LIN7A: variants seen among roughly 807,000 people sequenced by gnomAD.
LIN7A encodes the protein protein lin-7 homolog A.
In LIN7A, 25 loss-of-function variants were observed where a neutral mutation model predicts 29.8. That is an observed-to-expected ratio of 0.84 (90% CI 0.61 to 1.17). The LOEUF (loss-of-function observed/expected upper bound fraction) is 1.17, where lower values mean the gene tolerates loss of function less well. Ranked by LOEUF, LIN7A falls within the 50% of genes most tolerant of loss-of-function variation. The pLI, the probability that LIN7A is intolerant of heterozygous loss-of-function variation, is 0.00. For missense variants in LIN7A, 239 were observed against 287.0 expected (o/e 0.83, Z 1.21); for synonymous variants, 118 against 107.5 (o/e 1.10, Z -0.60).
intron 1 of LIN7A, among the ~76,000 whole-genome samples, chr12:80,912,814 G>A (rs562759692): frequency 2.0e-5 from 3 of 151,800 alleles, no homozygotes; most frequent in Non-Finnish European, 2.9e-5. Flanking sequence ...GGTTACCCAC[G>A]CCAGTCTCCA....
Position 80,865,105 on chromosome 12 carries a change from C to T in LIN7A, c.202-16783G>A, listed in dbSNP as rs532367707. Among the ~76,000 whole-genome samples, 6 of 152,278 alleles carry T rather than the reference C, an allele frequency of 3.9e-5. No individual in the cohort carries two copies. The South Asian group carries it at 1.2e-3, about 32-fold the overall frequency. ...CTCAGCATTAAAGAAAAACAACCTT[C>T]TGATTCCATGCCTGTTTCAAAGTTT... is the stretch of plus-strand genomic sequence containing the variant. On this transcript the variant is annotated intron_variant, in intron 2 of 5. Coordinates refer to ENST00000552864, the MANE Select transcript of LIN7A (RefSeq NM_004664.4).
intron 4 of LIN7A, among the ~76,000 whole-genome samples, chr12:80,815,184 C>T (rs1170059061): frequency 6.6e-6 from 1 of 152,028 alleles, no homozygotes; most frequent in Non-Finnish European, 1.5e-5. Context: ...TGCTTGTCTC[C>T]TTAACCTATT....
At chr12:80,810,393 C>CTGTGTGTG (rs71094992) in intron 5 of LIN7A, among the ~76,000 whole-genome samples, 34 of 146,914 alleles carry the variant, frequency 2.3e-4, no homozygotes, top group African/African-American at 5.0e-4. Context: ...TGGTATACAT[C>CTGTGTGTG]TGTGTGTGTG....
chr12:80,921,369 C>CCATA (rs1877291464), intron 1 of LIN7A, among the ~76,000 whole-genome samples: 1 of 150,974 alleles, frequency 6.6e-6, no homozygotes, highest in South Asian at 2.1e-4. Context: ...TAACAAAATG[C>CCATA]CATACACTGA....
chr12:80,801,073 T>C (rs578181254), intron 5 of LIN7A, among the ~76,000 whole-genome samples: 1 of 151,896 alleles, frequency 6.6e-6, no homozygotes, highest in African/African-American at 2.4e-5. Context: ...CATATATATA[T>C]ATATATAAAC....
At chr12:80,821,334 T>A (rs991505650) in intron 4 of LIN7A, among the ~76,000 whole-genome samples, 1 of 152,084 alleles carries the variant, frequency 6.6e-6, no homozygotes, top group Non-Finnish European at 1.5e-5. Context: ...AGATAATAAG[T>A]CACCCAAGAC....
At chr12:80,871,134 C>T (rs1221944221) in intron 2 of LIN7A, among the ~76,000 whole-genome samples, 2 of 152,046 alleles carry the variant, frequency 1.3e-5, no homozygotes, top group Non-Finnish European at 2.9e-5. Context: ...GAAATATACC[C>T]ATCAAATTCA....
intron 5 of LIN7A, among the ~76,000 whole-genome samples, chr12:80,807,405 A>G (rs1300418395): frequency 1.3e-5 from 2 of 152,120 alleles, no homozygotes; most frequent in African/African-American, 4.8e-5. Context: ...GATGGAACTG[A>G]GAAATGGAAT....
intron 4 of LIN7A, among the ~76,000 whole-genome samples, chr12:80,822,819 G>A (rs1387110179): frequency 6.6e-6 from 1 of 152,088 alleles, no homozygotes; most frequent in Non-Finnish European, 1.5e-5. Flanking sequence ...ATGGTGGCAG[G>A]AGGCAGGCAG....
intron 4 of LIN7A, among the ~76,000 whole-genome samples, chr12:80,829,246 G>A (rs1378650745): frequency 6.6e-6 from 1 of 152,150 alleles, no homozygotes; most frequent in Non-Finnish European, 1.5e-5. Context: ...AGGGATTTTA[G>A]CAAAGTTACC....
intron 1 of LIN7A, among the ~76,000 whole-genome samples, chr12:80,917,026 C>A (rs1877062120): frequency 6.6e-6 from 1 of 152,030 alleles, no homozygotes; most frequent in Non-Finnish European, 1.5e-5. Context: ...ACAAATTAAG[C>A]TGGGATACAG....
chr12:80,911,087 G>A lies in LIN7A; in HGVS notation c.83-21718C>T, dbSNP rs959894003. On this transcript the variant is annotated intron_variant, in intron 1 of 5. Coordinates refer to ENST00000552864, the MANE Select transcript of LIN7A (RefSeq NM_004664.4). ...CAGATTATATTTATTCCTTTGTTGA[G>A]TTAAAACACCTGTCCAGAAGATGGA... Among the ~76,000 whole-genome samples the A allele has an allele frequency of 1.1e-4, 17 of 152,142 alleles. No homozygotes were observed. In the East Asian group the frequency reaches 3.3e-3, roughly 29 times the overall value.
At chr12:80,850,748 G>A (rs769693233) in intron 2 of LIN7A, among the ~76,000 whole-genome samples, 3 of 152,260 alleles carry the variant, frequency 2.0e-5, no homozygotes, top group East Asian at 1.9e-4. Flanking sequence ...TTCTTCGTAC[G>A]TGCAATGATT....
intron 4 of LIN7A, among the ~76,000 whole-genome samples, chr12:80,832,270 G>A (rs1326866300): frequency 5.3e-5 from 8 of 152,128 alleles, no homozygotes; most frequent in Non-Finnish European, 7.4e-5. Context: ...TATGATCTAC[G>A]TTTTCTTTAA....
At chr12:80,831,112 C>T (rs1276089666) in intron 4 of LIN7A, among the ~76,000 whole-genome samples, 2 of 152,110 alleles carry the variant, frequency 1.3e-5, no homozygotes, top group African/African-American at 4.8e-5. Flanking sequence ...AGAATCCTGA[C>T]TGCTTCAAAT....
At chr12:80,847,506 A>G (rs978881579) in intron 3 of LIN7A, among the ~76,000 whole-genome samples, 3 of 152,204 alleles carry the variant, frequency 2.0e-5, no homozygotes, top group Admixed American at 6.5e-5. Context: ...CTCATTTTCA[A>G]TGGTTATTTC....
chr12:80,879,017 AT>A (rs1351461249), intron 2 of LIN7A, among the ~76,000 whole-genome samples: 1 of 152,188 alleles, frequency 6.6e-6, no homozygotes, highest in African/African-American at 2.4e-5. Context: ...ATTTTTATCA[AT>A]TTAAAAATCT....
chr12:80,900,967 G>A (rs1347634579), intron 1 of LIN7A, among the ~76,000 whole-genome samples: 2 of 152,088 alleles, frequency 1.3e-5, no homozygotes, highest in African/African-American at 4.8e-5. Flanking sequence ...ATAGATTGGA[G>A]TTCATTTTAT....
chr12:80,911,070 A>G (rs1457984910), intron 1 of LIN7A, among the ~76,000 whole-genome samples: 3 of 152,120 alleles, frequency 2.0e-5, no homozygotes, highest in Non-Finnish European at 4.4e-5. Flanking sequence ...AACAGATTAT[A>G]TTTATTCCTT....
Sources: allele counts gnomAD v4.1 joint callset (sites outside exome capture counted in the v4.1 genomes callset), GRCh38; gene constraint gnomAD v4.1.1; transcripts MANE v1.5; gene names NCBI Gene and HGNC (gene_info 2026-07-23, HGNC 2026-07-21).